Variants in BNIP1 observed in about 807,000 individuals in gnomAD.
BNIP1 encodes BCL2 interacting protein 1.
In BNIP1, 25 loss-of-function variants were observed where a neutral mutation model predicts 28.5. That is an observed-to-expected ratio of 0.88 (90% confidence interval 0.64 to 1.23). BNIP1 has a LOEUF of 1.23. Ranked by LOEUF, BNIP1 falls within the 50% of genes most tolerant of loss-of-function variation. The probability of loss-of-function intolerance (pLI) is 0.00; values close to 1 mark genes in which losing one functional copy is unlikely to be tolerated. For missense variants in BNIP1, 276 were observed against 277.0 expected, an observed-to-expected ratio of 1.00 and a Z score of 0.02; for synonymous variants, 118 against 101.7, an observed-to-expected ratio of 1.16 and a Z score of -0.96.
rs543894811 is a variant in BNIP1, at chr5:173,160,027, A to G, written c.466A>G (p.Ser156Gly). The G allele has an allele frequency of 6.2e-7, 1 of 1,614,060 alleles. No individual in the cohort carries two copies. Among genetic ancestry groups the G allele is most frequent in the African/African-American group, 1.3e-5 (1 of 75,038 alleles). Residue 156 changes from serine (S) to glycine (G), a missense_variant, in exon 5 of 6, where the codon AGC (serine) becomes GGC (glycine). By Grantham distance (56) the Ser-to-Gly change is moderately conservative (BLOSUM62 0). Transcript: ENST00000351486. ...SRMMAQQVQQ[S>G]EEAMQSLVTS... ...GATGATGGCCCAGCAGGTCCAGCAG[A>G]GCGAGGAGGCCATGCAGTCTCTAGG...
chr5:173,163,117 C>T (rs997993123), intron 5 of BNIP1, among the ~76,000 whole-genome samples: 2 of 152,218 alleles, frequency 1.3e-5, no homozygotes, highest in African/African-American at 2.4e-5. Flanking sequence ...TTCAGAAATA[C>T]ATCTGACTCT....
chr5:173,158,953 G>T, intron 4 of BNIP1, 108 bp downstream of exon 4: 4 of 714,870 alleles, frequency 5.6e-6, no homozygotes, highest in South Asian at 3.0e-5. Context: ...AATTACATAA[G>T]TAATTTTTTT....
intron 2 of BNIP1, among the ~76,000 whole-genome samples, chr5:173,149,445 T>G (rs987838277): frequency 6.6e-6 from 1 of 152,142 alleles, no homozygotes; most frequent in African/African-American, 2.4e-5. Context: ...CCTCTGTAAT[T>G]CAATCATCTC....
intron 1 of BNIP1, among the ~76,000 whole-genome samples, chr5:173,146,612 C>T (rs1759841813): frequency 6.6e-6 from 1 of 152,074 alleles, no homozygotes; most frequent in South Asian, 2.1e-4. Context: ...AATTTAGGCA[C>T]TAAAAATTAG....
chr5:173,157,564 G>C (rs1054832265), intron 3 of BNIP1, among the ~76,000 whole-genome samples: 1 of 151,972 alleles, frequency 6.6e-6, no homozygotes, highest in Non-Finnish European at 1.5e-5. Context: ...ACAGGCACTC[G>C]CCATCATGTC....
intron 2 of BNIP1, among the ~76,000 whole-genome samples, chr5:173,150,866 C>G (rs972675049): frequency 5.3e-5 from 8 of 151,280 alleles, no homozygotes; most frequent in African/African-American, 2.0e-4. Flanking sequence ...AAGACGGAGT[C>G]TGGCTCTGTT....
chr5:173,145,378 G>A (rs910541217), intron 1 of BNIP1, among the ~76,000 whole-genome samples: 33 of 152,214 alleles, frequency 2.2e-4, no homozygotes, highest in Non-Finnish European at 8.8e-5. Flanking sequence ...AAAAGAAACC[G>A]AGTTTTAAAC....
At chr5:173,154,545 C>T (rs1437248799) in intron 3 of BNIP1, 132 bp downstream of exon 3, 10 of 666,684 alleles carry the variant, frequency 1.5e-5, no homozygotes, top group South Asian at 1.3e-4. Flanking sequence ...TTTTGAGAGA[C>T]GGTGTCTCGC....
At chr5:173,152,373 G>A (rs987225833) in intron 2 of BNIP1, among the ~76,000 whole-genome samples, 19 of 149,736 alleles carry the variant, frequency 1.3e-4, no homozygotes, top group Non-Finnish European at 5.9e-5. Context: ...TTTTTGAGAC[G>A]GAGTCTCACT....
At chr5:173,159,403 C>T (rs1447266171) in intron 4 of BNIP1, among the ~76,000 whole-genome samples, 1 of 151,438 alleles carries the variant, frequency 6.6e-6, no homozygotes, top group Non-Finnish European at 1.5e-5. Context: ...TTTATTTCTA[C>T]ATTTCTTACA....
intron 2 of BNIP1, among the ~76,000 whole-genome samples, chr5:173,148,439 G>C (rs996037351): frequency 6.6e-6 from 1 of 152,152 alleles, no homozygotes; most frequent in East Asian, 1.9e-4. Context: ...CAAGGATCCT[G>C]CATGCAGCTC....
At chr5:173,153,540 A>G (rs889303279) in intron 2 of BNIP1, among the ~76,000 whole-genome samples, 2 of 152,128 alleles carry the variant, frequency 1.3e-5, no homozygotes, top group Non-Finnish European at 2.9e-5. Flanking sequence ...AACACTGTTT[A>G]TGTTCATTTC....
intron 3 of BNIP1, among the ~76,000 whole-genome samples, chr5:173,158,053 G>A (rs1484951015): frequency 6.6e-6 from 1 of 151,212 alleles, no homozygotes; most frequent in East Asian, 1.9e-4. Context: ...CCGCCTCCTG[G>A]GTAGCTGGAA....
chr5:173,156,896 G>T (rs1760213983), intron 3 of BNIP1, among the ~76,000 whole-genome samples: 1 of 151,216 alleles, frequency 6.6e-6, no homozygotes, highest in South Asian at 2.1e-4. Context: ...TGATCCGCCG[G>T]TCTCAGCCTC....
intron 2 of BNIP1, among the ~76,000 whole-genome samples, chr5:173,151,870 C>T (rs1760033186): frequency 1.3e-5 from 2 of 152,186 alleles, no homozygotes; most frequent in South Asian, 2.1e-4. Flanking sequence ...TTTTAATCTG[C>T]GTTTCTTAAG....
intron 2 of BNIP1, among the ~76,000 whole-genome samples, chr5:173,152,311 A>G (rs1202731665): frequency 6.6e-6 from 1 of 152,176 alleles, no homozygotes; most frequent in Non-Finnish European, 1.5e-5. Flanking sequence ...TATGTAGTGA[A>G]TAATGTGAGA....
chr5:173,147,587 G>GTT (rs70984950), intron 2 of BNIP1, among the ~76,000 whole-genome samples: 16 of 149,914 alleles, frequency 1.1e-4, no homozygotes, highest in South Asian at 6.3e-4. Flanking sequence ...ACACTCCTGG[G>GTT]TTTTTTTTTA....
chr5:173,151,899 G>C (rs1186743218), intron 2 of BNIP1, among the ~76,000 whole-genome samples: 1 of 152,078 alleles, frequency 6.6e-6, no homozygotes, highest in Admixed American at 6.5e-5. Context: ...TACTCTTTTT[G>C]TATCTGGAAA....
intron 4 of BNIP1, 74 bp downstream of exon 4, chr5:173,158,919 T>G (rs1760283994): frequency 1.8e-6 from 2 of 1,118,222 alleles, no homozygotes; most frequent in Non-Finnish European, 2.5e-6. Flanking sequence ...AACCCCCTCT[T>G]GTTTTCAGCT....
Sources: gnomAD v4.1 joint callset for allele counts (sites outside exome capture counted in the v4.1 genomes callset) on GRCh38, gnomAD v4.1.1 for gene constraint, MANE v1.5 for transcripts, NCBI Gene and HGNC (gene_info 2026-07-23, HGNC 2026-07-21) for gene names.